Variants in GARRE1 observed in about 807,000 individuals in gnomAD.
GARRE1 encodes the protein granule associated Rac and RHOG effector protein 1.
A neutral mutation model predicts 103.2 loss-of-function variants in GARRE1; 49 were observed. That is an observed-to-expected ratio of 0.47 (90% CI 0.38 to 0.60). The LOEUF (loss-of-function observed/expected upper bound fraction) is 0.60. GARRE1 is among the 20% of genes least tolerant of loss of function. The probability of loss-of-function intolerance (pLI) is 0.00; values close to 1 mark genes in which losing one functional copy is unlikely to be tolerated. For synonymous variants in GARRE1, 505 were observed against 532.8 expected, an observed-to-expected ratio of 0.95 and a Z score of 0.72; for missense variants, 1,199 against 1,370.5, an observed-to-expected ratio of 0.87 and a Z score of 1.98.
At chr19:34,307,564 AT>A (rs1272368837) in intron 2 of GARRE1, among the ~76,000 whole-genome samples, 7 of 147,682 alleles carry the variant, frequency 4.7e-5, no homozygotes, top group South Asian at 2.1e-4. Flanking sequence ...TAAAATATGT[AT>A]TTTTTATATA....
In GARRE1 at chr19:34,352,628, ACT is replaced by A. The variant is rs746891141; in HGVS notation, c.2905-14_2905-13del. On this transcript the variant is annotated splice_polypyrimidine_tract_variant and intron_variant, in intron 13 of 13. Coordinates refer to ENST00000299505, the MANE Select transcript of GARRE1 (RefSeq NM_014686.5). ...TACATTGCCCGAAATGCCACTAAGA[ACT>A]CTCTTTTGTTTCTCAGGATAACAAA... 6.3e-7 allele frequency: 1 copy of A among 1,596,438 alleles called. No individual in the cohort carries two copies. Among genetic ancestry groups the A allele is most frequent in the South Asian group, 1.1e-5 (1 of 90,424 alleles).
intron 2 of GARRE1, among the ~76,000 whole-genome samples, chr19:34,311,673 C>T (rs546978681): frequency 2.7e-4 from 41 of 152,168 alleles, no homozygotes; most frequent in African/African-American, 4.3e-4. Flanking sequence ...TACAGTGGTG[C>T]GATCTCGGCT....
At chr19:34,263,477 TTTTTC>T (rs1254272096) in intron 1 of GARRE1, among the ~76,000 whole-genome samples, 30 of 151,648 alleles carry the variant, frequency 2.0e-4, no homozygotes, top group African/African-American at 7.3e-4. Context: ...TATTTTCTTT[TTTTTC>T]TTTTTTTTTT....
chr19:34,307,801 A>AT lies in GARRE1; in HGVS notation c.495+6833_495+6834insT, dbSNP rs1233249036. Among the ~76,000 whole-genome samples the AT allele has an allele frequency of 8.8e-3, 1,113 of 126,628 alleles. 32 individuals carry two copies. The highest frequency in any genetic ancestry group is 0.028 in the South Asian group (114 of 4,110). 83.1% of individuals were successfully genotyped at this position (126,628 alleles called of 152,430 possible). ...TAAAATATATATACTATAAAAAAAAAATATATATATATATTTTTTTTTTTT... is the reference window on the plus strand; with the variant it reads ...TAAAATATATATACTATAAAAAAAAATATATATATATATATTTTTTTTTTTT... On this transcript the variant is annotated intron_variant, in intron 2 of 13. Transcript: ENST00000299505.
chr19:34,291,177 G>A (rs540448453), intron 1 of GARRE1, among the ~76,000 whole-genome samples: 15 of 151,912 alleles, frequency 9.9e-5, no homozygotes, highest in Admixed American at 7.9e-4. Context: ...CAAAGTGCTG[G>A]GATCACAGGT....
chr19:34,327,269 TACAA>T, intron 3 of GARRE1, 148 bp from the exon 4 acceptor site: 2 of 632,466 alleles, frequency 3.2e-6, no homozygotes, highest in Non-Finnish European at 5.0e-6. Flanking sequence ...CACTTTGCAA[TACAA>T]ACAATCTAGA....
At chr19:34,349,447 G>A (rs963378089) in intron 12 of GARRE1, among the ~76,000 whole-genome samples, 5 of 152,214 alleles carry the variant, frequency 3.3e-5, no homozygotes, top group Admixed American at 1.3e-4. Flanking sequence ...CTTTGGTTGC[G>A]AGTTCTAATC....
At chr19:34,331,929 T>C (rs1370675880) in intron 7 of GARRE1, among the ~76,000 whole-genome samples, 1 of 151,678 alleles carries the variant, frequency 6.6e-6, no homozygotes, top group African/African-American at 2.4e-5. Context: ...AGTCAGAGGT[T>C]GCAGTGAGCC....
chr19:34,330,692 GA>G (rs1335745751), intron 7 of GARRE1, among the ~76,000 whole-genome samples: 4 of 148,538 alleles, frequency 2.7e-5, no homozygotes, highest in Non-Finnish European at 6.0e-5. Context: ...CTAGGAGTTT[GA>G]AATCAGCCTG....
At chr19:34,315,807 A>G (rs189520070) in intron 2 of GARRE1, among the ~76,000 whole-genome samples, 4 of 152,150 alleles carry the variant, frequency 2.6e-5, no homozygotes, top group African/African-American at 7.2e-5. Context: ...AAATATAAAT[A>G]TCATCAAAAA....
chr19:34,273,861 C>T (rs1038872302), intron 1 of GARRE1, among the ~76,000 whole-genome samples: 1 of 151,946 alleles, frequency 6.6e-6, no homozygotes, highest in Non-Finnish European at 1.5e-5. Context: ...GAAGATGGCA[C>T]ATGTAGGAAG....
chr19:34,267,747 G>T, intron 1 of GARRE1, among the ~76,000 whole-genome samples: 1 of 149,444 alleles, frequency 6.7e-6, no homozygotes, highest in Admixed American at 6.7e-5. Context: ...AATTAGGTTT[G>T]AATAAATTAT....
intron 8 of GARRE1, among the ~76,000 whole-genome samples, chr19:34,339,539 A>T (rs1014276401): frequency 2.6e-5 from 4 of 152,304 alleles, no homozygotes; most frequent in African/African-American, 7.2e-5. Flanking sequence ...TGGAGGCTTC[A>T]TCATATAAGC....
chr19:34,320,756 C>G (rs2074083555), intron 3 of GARRE1, among the ~76,000 whole-genome samples: 1 of 149,730 alleles, frequency 6.7e-6, no homozygotes, highest in Admixed American at 6.6e-5. Flanking sequence ...GGGTCTTGCT[C>G]TGTTGCCCAG....
In GARRE1 at chr19:34,300,840, C is replaced by G. The variant is rs1447638964; in HGVS notation, c.367C>G (p.His123Asp). 14 of 1,614,034 alleles carry G rather than the reference C, an allele frequency of 8.7e-6. No homozygotes were observed. The highest frequency in any genetic ancestry group is 1.2e-5 in the Non-Finnish European group (14 of 1,180,058). ...CACACAGCTCAAAGATGTGCAGGAGCATGTCATGGAAGCAGCCAGTCGGCT... is the reference window on the plus strand; with the variant it reads ...CACACAGCTCAAAGATGTGCAGGAGGATGTCATGGAAGCAGCCAGTCGGCT... ...AATQLKDVQE[H>D]VMEAASRLTS... Residue 123 changes from histidine to aspartate, a missense_variant, in exon 2 of 14, where the codon CAT (histidine) becomes GAT (aspartate). Physicochemically the swap from His to Asp is moderately conservative, Grantham distance 81. Coordinates refer to ENST00000299505, the MANE Select transcript of GARRE1 (RefSeq NM_014686.5).
intron 2 of GARRE1, among the ~76,000 whole-genome samples, chr19:34,306,207 T>A (rs1599765627): frequency 6.6e-6 from 1 of 152,238 alleles, no homozygotes. Flanking sequence ...CATTCATCCC[T>A]GGGGAAAGAG....
chr19:34,307,591 ACACATACG>A (rs1322770682), intron 2 of GARRE1, among the ~76,000 whole-genome samples: 2 of 146,900 alleles, frequency 1.4e-5, no homozygotes, highest in East Asian at 3.9e-4. Flanking sequence ...GTATATATAT[ACACATACG>A]CACACACATA....
intron 1 of GARRE1, among the ~76,000 whole-genome samples, chr19:34,271,154 C>G (rs1302137406): frequency 6.6e-6 from 1 of 151,780 alleles, no homozygotes; most frequent in Non-Finnish European, 1.5e-5. Context: ...ATTTTCATAT[C>G]TGACATTCTC....
At chr19:34,341,069 C>T (rs2074183406) in intron 9 of GARRE1, among the ~76,000 whole-genome samples, 1 of 152,216 alleles carries the variant, frequency 6.6e-6, no homozygotes, top group Non-Finnish European at 1.5e-5. Context: ...TCCATTGTCC[C>T]TCTGCTGCAT....
Sources: allele counts gnomAD v4.1 joint callset (sites outside exome capture counted in the v4.1 genomes callset), GRCh38; gene constraint gnomAD v4.1.1; transcripts MANE v1.5; gene names NCBI Gene and HGNC (gene_info 2026-07-23, HGNC 2026-07-21).